Variants in CP observed in about 807,000 individuals in gnomAD.
CP encodes ceruloplasmin, also known as caeruloplasmin.
A neutral mutation model predicts 122.4 loss-of-function variants in CP; 64 were observed. The observed-to-expected ratio is 0.52, with a 90% CI of 0.43 to 0.64. The LOEUF (loss-of-function observed/expected upper bound fraction) is 0.64. Among genes scored for constraint, CP ranks in the 30% least tolerant of loss-of-function variants. CP has a pLI of 0.00. For missense variants in CP, 1,167 were observed against 1,284.4 expected (o/e 0.91, Z 1.40); for synonymous variants, 440 against 436.4 (o/e 1.01, Z -0.10).
At chr3:149,192,811 A>C (rs913942850) in intron 9 of CP, among the ~76,000 whole-genome samples, 2 of 152,126 alleles carry the variant, frequency 1.3e-5, no homozygotes, top group Non-Finnish European at 2.9e-5. Context: ...TTAAACTATA[A>C]ATTTAAATGA....
At chr3:149,165,166 G>A (rs1457433783) in intron 5 of CP, among the ~76,000 whole-genome samples, 1 of 152,072 alleles carries the variant, frequency 6.6e-6, no homozygotes, top group African/African-American at 2.4e-5. Flanking sequence ...TTCATTTCAC[G>A]AATATTGCTT....
intron 14 of CP, chr3:149,179,902 AC>A: frequency 2.1e-6 from 1 of 474,960 alleles, no homozygotes; most frequent in South Asian, 2.2e-5. Context: ...ATTAGCTATA[AC>A]CCACTTGCCA....
At chr3:149,209,135 G>C (rs1727937708) in intron 4 of CP, 76 bp downstream of exon 4, 1 of 1,564,322 alleles carries the variant, frequency 6.4e-7, no homozygotes, top group African/African-American at 1.4e-5. Context: ...ACTTATTTAT[G>C]TGAGGGAATA....
exon 6 of CP, chr3:149,162,621 C>A: frequency 6.8e-7 from 1 of 1,480,078 alleles, no homozygotes; most frequent in South Asian, 1.1e-5. Flanking sequence ...CTGTGATATT[C>A]AGCCCAGCTG....
intron 1 of CP, among the ~76,000 whole-genome samples, chr3:149,213,736 C>G (rs139129309): frequency 6.6e-6 from 1 of 151,592 alleles, no homozygotes; most frequent in African/African-American, 2.4e-5. Flanking sequence ...TTTGTGGGGC[C>G]GAGTAATCTG....
chr3:149,189,002 T>G (rs922383545), intron 9 of CP, among the ~76,000 whole-genome samples: 5 of 152,200 alleles, frequency 3.3e-5, no homozygotes, highest in African/African-American at 1.2e-4. Flanking sequence ...GAAACTATGA[T>G]GAAGGGGATC....
chr3:149,163,457 T>G (rs968712763), intron 5 of CP, among the ~76,000 whole-genome samples: 8 of 152,334 alleles, frequency 5.3e-5, no homozygotes, highest in African/African-American at 1.4e-4. Context: ...ACCAGCTTCT[T>G]GAATAAGCAG....
intron 6 of CP, among the ~76,000 whole-genome samples, chr3:149,205,073 G>T (rs926631405): frequency 3.3e-5 from 5 of 151,724 alleles, no homozygotes; most frequent in Admixed American, 1.3e-4. Flanking sequence ...ATCTGAAGAA[G>T]ATACACAAAT....
At chr3:149,181,495 G>A (rs937863982) in intron 14 of CP, among the ~76,000 whole-genome samples, 2 of 152,040 alleles carry the variant, frequency 1.3e-5, no homozygotes. Flanking sequence ...AGAAAAATAT[G>A]GTTCTTATTA....
intron 1 of CP, among the ~76,000 whole-genome samples, chr3:149,214,346 C>A (rs895611524): frequency 6.6e-6 from 1 of 152,178 alleles, no homozygotes; most frequent in South Asian, 2.1e-4. Context: ...TAAGAGTCAC[C>A]ATTCTCTGGA....
At chr3:149,214,408 C>T (rs774223718) in intron 1 of CP, among the ~76,000 whole-genome samples, 1 of 152,078 alleles carries the variant, frequency 6.6e-6, no homozygotes, top group East Asian at 1.9e-4. Flanking sequence ...CTACCATATA[C>T]CAATACACTG....
exon 6 of CP, chr3:149,162,836 G>A: frequency 1.9e-6 from 3 of 1,613,984 alleles, no homozygotes; most frequent in Non-Finnish European, 2.5e-6. Context: ...TGTCTAAGAG[G>A]CAGCCTCCTG....
chr3:149,203,389 G>A (rs1260494722), intron 6 of CP, among the ~76,000 whole-genome samples: 1 of 152,052 alleles, frequency 6.6e-6, no homozygotes, highest in African/African-American at 2.4e-5. Context: ...TCAGCCTCCT[G>A]AATAACTGGG....
intron 1 of CP, among the ~76,000 whole-genome samples, chr3:149,216,299 G>A (rs1269002875): frequency 6.6e-6 from 1 of 152,174 alleles, no homozygotes; most frequent in Non-Finnish European, 1.5e-5. Flanking sequence ...AGGCTCTGTG[G>A]AGAAATCTGC....
chr3:149,171,139 G>C (rs563433799), downstream of CP, among the ~76,000 whole-genome samples: 1 of 152,054 alleles, frequency 6.6e-6, no homozygotes, highest in Non-Finnish European at 1.5e-5. Flanking sequence ...TTAGCTGGAC[G>C]TGGTGGTGCG....
intron 6 of CP, among the ~76,000 whole-genome samples, chr3:149,204,531 G>T (rs552099534): frequency 1.3e-5 from 2 of 152,182 alleles, no homozygotes; most frequent in Admixed American, 1.3e-4. Flanking sequence ...AGTTGGAGAC[G>T]CAGCGTTGGG....
At chr3:149,189,105 G>T (rs1184460433) in intron 9 of CP, among the ~76,000 whole-genome samples, 3 of 152,094 alleles carry the variant, frequency 2.0e-5, no homozygotes, top group African/African-American at 7.2e-5. Flanking sequence ...AAAGGAAGAG[G>T]CACAATCATA....
intron 1 of CP, among the ~76,000 whole-genome samples, chr3:149,218,656 A>C (rs894085058): frequency 3.9e-5 from 6 of 152,194 alleles, no homozygotes; most frequent in Non-Finnish European, 8.8e-5. Context: ...GGAGCAAGGA[A>C]AAGTTTTTAC....
At chr3:149,218,952 A>G (rs1728638756) in intron 1 of CP, among the ~76,000 whole-genome samples, 1 of 152,278 alleles carries the variant, frequency 6.6e-6, no homozygotes, top group Middle Eastern at 3.4e-3. Flanking sequence ...TTTAGTCATC[A>G]TACGATAAGA....
Sources: allele counts gnomAD v4.1 joint callset (sites outside exome capture counted in the v4.1 genomes callset), GRCh38; gene constraint gnomAD v4.1.1; transcripts MANE v1.5; gene names NCBI Gene and HGNC (gene_info 2026-07-23, HGNC 2026-07-21).